LRRC4C: variants seen among roughly 807,000 people sequenced by gnomAD.
The protein encoded by LRRC4C is leucine rich repeat containing 4C.
LRRC4C carries 5 observed loss-of-function variants against 33.6 expected under a neutral mutation model. That is an observed-to-expected ratio of 0.15 (90% CI 0.08 to 0.31). The LOEUF (loss-of-function observed/expected upper bound fraction) is 0.31, where lower values mean the gene tolerates loss of function less well. Ranked by LOEUF, LRRC4C falls within the 10% of genes least tolerant of loss-of-function variation. The probability of loss-of-function intolerance (pLI) is 1.00; values close to 1 mark genes in which losing one functional copy is unlikely to be tolerated. For missense variants in LRRC4C, 560 were observed against 796.7 expected (o/e 0.70, Z 3.58); for synonymous variants, 329 against 302.0 (o/e 1.09, Z -0.93).
intron 2 of LRRC4C, among the ~76,000 whole-genome samples, chr11:40,907,197 G>A (rs988769149): frequency 1.7e-4 from 26 of 152,348 alleles, no homozygotes; most frequent in African/African-American, 5.0e-4. Context: ...CAGAGACTGA[G>A]ATGTAGAATG....
intron 1 of LRRC4C, among the ~76,000 whole-genome samples, chr11:41,049,278 C>G (rs966447401): frequency 1.3e-5 from 2 of 152,142 alleles, no homozygotes; most frequent in African/African-American, 4.8e-5. Flanking sequence ...CTCTCATTCT[C>G]TCTTGCCTGC....
At chr11:41,446,405 G>A (rs1314326383) in intron 1 of LRRC4C, among the ~76,000 whole-genome samples, 1 of 152,172 alleles carries the variant, frequency 6.6e-6, no homozygotes, top group East Asian at 1.9e-4. Flanking sequence ...ACTCACTCAT[G>A]CACCTGCATT....
intron 1 of LRRC4C, among the ~76,000 whole-genome samples, chr11:41,249,498 T>C (rs1226749964): frequency 2.0e-5 from 3 of 152,154 alleles, no homozygotes; most frequent in Non-Finnish European, 4.4e-5. Context: ...TCCTAAGGTA[T>C]TCAGAGTGAA....
At chr11:41,397,388 C>A (rs1472841825) in intron 1 of LRRC4C, among the ~76,000 whole-genome samples, 1 of 152,016 alleles carries the variant, frequency 6.6e-6, no homozygotes, top group Non-Finnish European at 1.5e-5. Flanking sequence ...TTATGATGAT[C>A]CACTTCCATT....
intron 6 of LRRC4C, among the ~76,000 whole-genome samples, chr11:40,137,291 T>C (rs1857048726): frequency 6.6e-6 from 1 of 152,170 alleles, no homozygotes; most frequent in Admixed American, 6.5e-5. Flanking sequence ...AACCTAGTAA[T>C]GAATTCACCA....
chr11:40,137,680 A>G (rs1398947845), intron 6 of LRRC4C, among the ~76,000 whole-genome samples: 1 of 152,176 alleles, frequency 6.6e-6, no homozygotes, highest in Non-Finnish European at 1.5e-5. Context: ...TATAAAAAGG[A>G]CCCTGGGGAA....
At chr11:40,485,960 A>T (rs565919766) in intron 3 of LRRC4C, among the ~76,000 whole-genome samples, 7 of 152,150 alleles carry the variant, frequency 4.6e-5, no homozygotes, top group East Asian at 1.9e-4. Flanking sequence ...ACATGGACAC[A>T]TATCAGTGAA....
chr11:41,441,956 G>A (rs76174780), intron 1 of LRRC4C, among the ~76,000 whole-genome samples: 8,117 of 152,090 alleles, frequency 0.053, 267 homozygotes, highest in East Asian at 0.13. Flanking sequence ...TTATAATAAT[G>A]CAATCATCAT....
intron 1 of LRRC4C, among the ~76,000 whole-genome samples, chr11:41,209,932 C>T (rs376256700): frequency 3.3e-5 from 5 of 152,178 alleles, no homozygotes; most frequent in African/African-American, 1.2e-4. Flanking sequence ...TCAGATAGGA[C>T]TCGTGTCACT....
intron 1 of LRRC4C, among the ~76,000 whole-genome samples, chr11:41,349,095 C>T (rs1042526694): frequency 6.6e-6 from 1 of 152,254 alleles, no homozygotes; most frequent in Non-Finnish European, 1.5e-5. Flanking sequence ...AGTACTATCC[C>T]ATCTGCCAGC....
chr11:41,072,993 A>G (rs1938822249), intron 1 of LRRC4C, among the ~76,000 whole-genome samples: 1 of 152,180 alleles, frequency 6.6e-6, no homozygotes, highest in Non-Finnish European at 1.5e-5. Flanking sequence ...TGATCTGCCC[A>G]ATATTATGTT....
At chr11:40,613,791 G>T (rs573074582) in intron 3 of LRRC4C, among the ~76,000 whole-genome samples, 1 of 151,824 alleles carries the variant, frequency 6.6e-6, no homozygotes, top group Non-Finnish European at 1.5e-5. Context: ...TGTTGTTTTA[G>T]CAGGCAAAAG....
chr11:40,121,743 T>C (rs1855843299), intron 6 of LRRC4C, among the ~76,000 whole-genome samples: 1 of 152,236 alleles, frequency 6.6e-6, no homozygotes, highest in Non-Finnish European at 1.5e-5. Flanking sequence ...CTAACGGAGA[T>C]GCTTTCTTAG....
chr11:40,297,728 G>C (rs1944582688), intron 4 of LRRC4C, among the ~76,000 whole-genome samples: 1 of 151,996 alleles, frequency 6.6e-6, no homozygotes, highest in African/African-American at 2.4e-5. Context: ...AAGCTTGCGA[G>C]TGCCAAGCCT....
At chr11:40,323,747 A>G (rs1051607828) in intron 3 of LRRC4C, among the ~76,000 whole-genome samples, 4 of 152,210 alleles carry the variant, frequency 2.6e-5, no homozygotes, top group Non-Finnish European at 5.9e-5. Context: ...GCTAAAAGCA[A>G]CACAGATCCT....
intron 4 of LRRC4C, among the ~76,000 whole-genome samples, chr11:40,278,223 A>G (rs1054646884): frequency 2.0e-5 from 3 of 152,144 alleles, no homozygotes; most frequent in African/African-American, 7.2e-5. Context: ...GCCAGATATG[A>G]GTTTCCGTCA....
chr11:41,036,745 G>A (rs892639899), intron 1 of LRRC4C, among the ~76,000 whole-genome samples: 2 of 152,120 alleles, frequency 1.3e-5, no homozygotes, highest in Admixed American at 1.3e-4. Context: ...AAACCTAAAT[G>A]ATGTCACAGT....
intron 2 of LRRC4C, among the ~76,000 whole-genome samples, chr11:40,671,568 T>C (rs969164774): frequency 6.6e-6 from 1 of 152,020 alleles, no homozygotes; most frequent in Non-Finnish European, 1.5e-5. Flanking sequence ...TGCCTAAGGA[T>C]CTTTGCAATT....
intron 1 of LRRC4C, among the ~76,000 whole-genome samples, chr11:41,116,516 G>A (rs1044272607): frequency 2.0e-5 from 3 of 152,102 alleles, no homozygotes; most frequent in Non-Finnish European, 4.4e-5. Flanking sequence ...CTGGTGGAAA[G>A]AGCAAAATAC....
Sources: allele counts gnomAD v4.1 joint callset (sites outside exome capture counted in the v4.1 genomes callset), GRCh38; gene constraint gnomAD v4.1.1; transcripts MANE v1.5; gene names NCBI Gene and HGNC (gene_info 2026-07-23, HGNC 2026-07-21).